Variants in WFDC11 observed in about 807,000 individuals in gnomAD.
WFDC11 encodes the protein protein WFDC11.
WFDC11 carries 9 observed loss-of-function variants against 9.9 expected under a neutral mutation model. That is an observed-to-expected ratio of 0.91 (90% CI 0.55 to 1.58). The LOEUF is 1.58. Ranked by LOEUF, WFDC11 falls within the 40% of genes most tolerant of loss-of-function variation. The pLI is 0.00. For synonymous variants in WFDC11, 32 were observed against 33.3 expected (o/e 0.96, Z 0.13); for missense variants, 106 against 101.7 (o/e 1.04, Z -0.18).
chr20:45,649,142 T>C, intron 4 of WFDC11, 115 bp downstream of exon 4: 2 of 1,293,604 alleles, frequency 1.5e-6, no homozygotes, highest in South Asian at 2.8e-5. Flanking sequence ...TGTCTTCTGT[T>C]ATTTTTGTAC....
At chr20:45,669,186 G>A (rs1448938289) in intron 1 of WFDC11, among the ~76,000 whole-genome samples, 1 of 152,018 alleles carries the variant, frequency 6.6e-6, no homozygotes, top group Non-Finnish European at 1.5e-5. Context: ...TCTTTACAGA[G>A]GCAGATACTA....
intron 2 of WFDC11, among the ~76,000 whole-genome samples, chr20:45,661,171 T>C (rs1464397579): frequency 6.6e-6 from 1 of 152,232 alleles, no homozygotes; most frequent in Admixed American, 6.5e-5. Flanking sequence ...TGGCCAGTGA[T>C]GGTGAGCATT....
intron 2 of WFDC11, among the ~76,000 whole-genome samples, chr20:45,663,254 A>T (rs1276780711): frequency 6.6e-6 from 1 of 152,020 alleles, no homozygotes; most frequent in Non-Finnish European, 1.5e-5. Context: ...TTTCTGTGGG[A>T]TTGGTGGTGA....
chr20:45,649,342 T>C lies in WFDC11; in HGVS notation c.158A>G (p.Asn53Ser), dbSNP rs776015478. The C allele has an allele frequency of 3.1e-6, 5 of 1,614,220 alleles. No individual in the cohort carries two copies. Among genetic ancestry groups the C allele is most frequent in the Admixed American group, 1.7e-5 (1 of 60,032 alleles). ...ACATCTAAAGGCTTTAGAACACTTA[T>C]TGGTACATTCTTTGACATTTGGCTT... ...WGKPNVKECT[N>S]KCSKAFRCKD... is the part of the protein sequence containing the mutation. Residue 53 changes from asparagine to serine, a missense_variant, in exon 4 of 5, where the codon AAT (asparagine) becomes AGT (serine). Transcript: ENST00000324384.
At position 45,649,242 on chromosome 20, in the gene WFDC11, C is replaced by T. The variant is rs759541952; in HGVS notation, c.243+15G>A. 37 of 1,613,574 alleles carry T rather than the reference C, an allele frequency of 2.3e-5. No homozygotes were observed. The highest frequency in any genetic ancestry group is 9.3e-5 in the African/African-American group (7 of 74,900). ...CAGTGAAGATATACACCCAAGCAAA[C>T]ATCTCCCAACTCACGACGTTTATCC... is the stretch of plus-strand genomic sequence containing the variant. On this transcript the variant is annotated intron_variant, in intron 4 of 4. Coordinates refer to ENST00000324384, the MANE Select transcript of WFDC11 (RefSeq NM_147197.2).
At chr20:45,660,176 C>T (rs1199873071) in intron 2 of WFDC11, among the ~76,000 whole-genome samples, 1 of 152,134 alleles carries the variant, frequency 6.6e-6, no homozygotes, top group East Asian at 1.9e-4. Context: ...CCTGTTAGCA[C>T]TGCCTTTGCT....
intron 2 of WFDC11, among the ~76,000 whole-genome samples, chr20:45,658,881 C>G (rs1982992880): frequency 6.7e-6 from 1 of 149,770 alleles, no homozygotes; most frequent in African/African-American, 2.5e-5. Flanking sequence ...ACATCCCCCG[C>G]CGACAGGCCC....
intron 2 of WFDC11, among the ~76,000 whole-genome samples, chr20:45,655,581 A>C (rs538298951): frequency 6.6e-6 from 1 of 152,222 alleles, no homozygotes; most frequent in African/African-American, 2.4e-5. Context: ...AGTTCTGGCC[A>C]GGGCAATCAG....
intron 2 of WFDC11, among the ~76,000 whole-genome samples, chr20:45,657,850 A>T (rs1982970104): frequency 6.6e-6 from 1 of 152,214 alleles, no homozygotes; most frequent in African/African-American, 2.4e-5. Flanking sequence ...TGTTCTGAGC[A>T]CATTTAAAGT....
chr20:45,665,987 A>G (rs1056399460), intron 2 of WFDC11, among the ~76,000 whole-genome samples: 1 of 152,132 alleles, frequency 6.6e-6, no homozygotes, highest in Admixed American at 6.5e-5. Context: ...GGTCTGCAGG[A>G]GTTGTCTGTT....
At chr20:45,656,878 A>G (rs536060570) in intron 2 of WFDC11, among the ~76,000 whole-genome samples, 26 of 152,238 alleles carry the variant, frequency 1.7e-4, no homozygotes, top group Non-Finnish European at 3.4e-4. Flanking sequence ...CAAAACCACA[A>G]TGGGATACCA....
At chr20:45,664,725 A>C (rs1386673534) in intron 2 of WFDC11, among the ~76,000 whole-genome samples, 1 of 152,138 alleles carries the variant, frequency 6.6e-6, no homozygotes, top group Non-Finnish European at 1.5e-5. Context: ...TCTTTTCTTT[A>C]AGAATGTTGA....
intron 2 of WFDC11, among the ~76,000 whole-genome samples, chr20:45,658,792 T>C (rs1056978528): frequency 1.3e-5 from 2 of 152,176 alleles, no homozygotes; most frequent in African/African-American, 4.8e-5. Flanking sequence ...TATATAGGTA[T>C]ACACGTGCCA....
intron 2 of WFDC11, among the ~76,000 whole-genome samples, chr20:45,653,185 C>G (rs1008061384): frequency 6.6e-6 from 1 of 152,184 alleles, no homozygotes; most frequent in Admixed American, 6.5e-5. Flanking sequence ...AGAGAAAGGT[C>G]GGGTTACCCA....
intron 2 of WFDC11, among the ~76,000 whole-genome samples, chr20:45,655,323 G>A (rs747271988): frequency 3.9e-5 from 6 of 152,086 alleles, no homozygotes; most frequent in Admixed American, 1.3e-4. Context: ...CATAACCAAC[G>A]ACAAAAACCA....
chr20:45,661,410 T>C (rs927715235), intron 2 of WFDC11, among the ~76,000 whole-genome samples: 1 of 151,544 alleles, frequency 6.6e-6, no homozygotes, highest in Non-Finnish European at 1.5e-5. Context: ...GTGCAGAAGC[T>C]CTTTAGTTTA....
chr20:45,652,308 T>TA (rs1982825850), intron 2 of WFDC11, among the ~76,000 whole-genome samples: 1 of 152,186 alleles, frequency 6.6e-6, no homozygotes, highest in Admixed American at 6.5e-5. Context: ...CCACTGCTGA[T>TA]ACCCAGGCAA....
chr20:45,667,645 A>C (rs1339391509), intron 1 of WFDC11, among the ~76,000 whole-genome samples: 1 of 152,214 alleles, frequency 6.6e-6, no homozygotes, highest in African/African-American at 2.4e-5. Context: ...TAACATGTAG[A>C]TTTTAAATAT....
chr20:45,657,712 T>C (rs1982967849), intron 2 of WFDC11, among the ~76,000 whole-genome samples: 1 of 152,216 alleles, frequency 6.6e-6, no homozygotes, highest in East Asian at 1.9e-4. Flanking sequence ...CCATCCATGC[T>C]TAATTTTTCT....
Sources: gnomAD v4.1 joint callset for allele counts (sites outside exome capture counted in the v4.1 genomes callset) on GRCh38, gnomAD v4.1.1 for gene constraint, MANE v1.5 for transcripts, NCBI Gene and HGNC (gene_info 2026-07-23, HGNC 2026-07-21) for gene names.